Variants in ARHGEF3 observed in about 807,000 individuals in gnomAD.
ARHGEF3 encodes the protein Rho guanine nucleotide exchange factor 3, also known as 59.8 kDA protein.
A neutral mutation model predicts 63.2 loss-of-function variants in ARHGEF3; 28 were observed. The ratio of observed to expected loss-of-function variants is 0.44; its 90% CI spans 0.33 to 0.61. The LOEUF (loss-of-function observed/expected upper bound fraction) is 0.61. Among genes scored for constraint, ARHGEF3 ranks in the 20% least tolerant of loss-of-function variants. The pLI is 0.03. For synonymous variants in ARHGEF3, 266 were observed against 254.2 expected (o/e 1.05, Z -0.44); for missense variants, 533 against 659.3 (o/e 0.81, Z 2.10).
Position 56,924,188 on chromosome 3 carries a change from AC to A in ARHGEF3, c.129+34634del, listed in dbSNP as rs1280854812. 6.6e-5 allele frequency among the ~76,000 whole-genome samples: 10 copies of A among 152,338 alleles called. No homozygotes were observed. The East Asian group carries it at 1.7e-3, about 26-fold the overall frequency. On this transcript the variant is annotated intron_variant, in intron 3 of 12. Coordinates refer to the ARHGEF3 transcript ENST00000338458. ...ACAGGGGAGAAACATGCTACCCCAC[AC>A]CTGCACAAACTAAATGATGTGTAAA...
chr3:56,854,751 G>T (rs1452397965), intron 4 of ARHGEF3, among the ~76,000 whole-genome samples: 1 of 135,998 alleles, frequency 7.4e-6, no homozygotes, highest in East Asian at 2.6e-4. Context: ...CTATTTGGGG[G>T]GATGCAAATA....
At position 56,769,385 on chromosome 3, in the gene ARHGEF3, G is replaced by T. The variant is rs1013737392; in HGVS notation, c.204+4324C>A. ...GGCAGGCCAGGGAGGGAATTTATAG[G>T]CTCAGAGGGATCCAGACATCTGTGC... On this transcript the variant is annotated intron_variant, in intron 2 of 9. Transcript: ENST00000296315. Among the ~76,000 whole-genome samples, 10 of 152,342 alleles carry T rather than the reference G, an allele frequency of 6.6e-5. No homozygotes were observed. In the South Asian group the frequency reaches 1.0e-3, roughly 16 times the overall value.
At chr3:56,918,332 C>G (rs771956496) in intron 3 of ARHGEF3, among the ~76,000 whole-genome samples, 1 of 152,166 alleles carries the variant, frequency 6.6e-6, no homozygotes, top group East Asian at 1.9e-4. Flanking sequence ...AAATGTGAGA[C>G]GACCAGGGCA....
chr3:56,949,121 A>T (rs1191440003), intron 3 of ARHGEF3, among the ~76,000 whole-genome samples: 4 of 151,976 alleles, frequency 2.6e-5, no homozygotes, highest in Admixed American at 6.6e-5. Flanking sequence ...TATTGATGGG[A>T]TGTATCTCAA....
intron 4 of ARHGEF3, among the ~76,000 whole-genome samples, chr3:56,821,979 AGAAGAGAAGAGAAG>A (rs2038516000): frequency 1.0e-5 from 1 of 99,660 alleles, no homozygotes; most frequent in Admixed American, 9.2e-5. Flanking sequence ...AGAAGAGAAG[AGAAGAGAAGAGAAG>A]AGAAGAGAAG....
At chr3:56,761,311 G>C (rs1174336090) in intron 2 of ARHGEF3, among the ~76,000 whole-genome samples, 1 of 151,944 alleles carries the variant, frequency 6.6e-6, no homozygotes, top group East Asian at 1.9e-4. Context: ...GAGAGAACTA[G>C]AGTTGAGGGA....
chr3:56,895,469 TTTA>T lies in ARHGEF3; in HGVS notation c.130-13118_130-13116del, dbSNP rs199745218. Among the ~76,000 whole-genome samples the T allele has an allele frequency of 5.0e-3, 283 of 56,354 alleles. 1 individual carries two copies. The highest frequency in any genetic ancestry group is 0.022 in the African/African-American group (268 of 11,948). The allele number at this position is 56,354 out of a possible 152,430, so 37.0% of individuals were successfully genotyped here. ...TCCATTGTTCTTATTTATTTATTTA[TTTA>T]TTTTTTTTTGAGATGGAGTCTTGTT... On this transcript the variant is annotated intron_variant, in intron 3 of 12. Coordinates refer to the ARHGEF3 transcript ENST00000338458.
intron 3 of ARHGEF3, among the ~76,000 whole-genome samples, chr3:56,885,786 C>T (rs541111403): frequency 1.3e-5 from 2 of 152,324 alleles, no homozygotes; most frequent in East Asian, 1.9e-4. Context: ...AAGGAACCCA[C>T]ATGTTTTATA....
rs34479082 is a variant in ARHGEF3 at position 56,984,573 on chromosome 3, T to TAA, written c.63-25686_63-25685dup. Among the ~76,000 whole-genome samples the TAA allele has an allele frequency of 1.5e-3, 228 of 151,512 alleles. 1 individual carries two copies. The highest frequency in any genetic ancestry group is 6.8e-3 in the Middle Eastern group (2 of 294). On this transcript the variant is annotated intron_variant, in intron 2 of 12. Coordinates refer to the ARHGEF3 transcript ENST00000338458. The stretch of plus-strand genomic sequence containing the variant: ...AGTTACATAAATAAACTCACAGGTT[T>TAA]AAAAAAAAAGATAAGGAAAACACTA...
intron 4 of ARHGEF3, among the ~76,000 whole-genome samples, chr3:56,842,269 T>C (rs796774502): frequency 3.5e-4 from 53 of 152,340 alleles, no homozygotes; most frequent in African/African-American, 1.3e-3. Flanking sequence ...TTAACAGTTA[T>C]ATATGTCTTT....
intron 1 of ARHGEF3, among the ~76,000 whole-genome samples, chr3:57,058,759 T>G (rs991691599): frequency 9.2e-5 from 14 of 151,814 alleles, no homozygotes; most frequent in Non-Finnish European, 1.9e-4. Flanking sequence ...CCAACAATGA[T>G]AGACTGGATT....
chr3:57,040,674 C>T (rs192569888), intron 1 of ARHGEF3, among the ~76,000 whole-genome samples: 2 of 151,872 alleles, frequency 1.3e-5, no homozygotes, highest in South Asian at 2.1e-4. Context: ...CAGTTATGAC[C>T]GGTGCCCTTC....
At chr3:56,867,483 A>AT (rs869028837) in intron 4 of ARHGEF3, among the ~76,000 whole-genome samples, 10 of 127,494 alleles carry the variant, frequency 7.8e-5, no homozygotes, top group South Asian at 2.7e-4. Flanking sequence ...TTATTTATTT[A>AT]TTTTTTTGAG....
chr3:57,030,110 A>G (rs1579125978), intron 2 of ARHGEF3, among the ~76,000 whole-genome samples: 1 of 152,210 alleles, frequency 6.6e-6, no homozygotes, highest in Admixed American at 6.5e-5. Context: ...TGCAGCATGA[A>G]AACTGCCTGC....
rs942812613 is a variant in ARHGEF3, at chr3:57,013,983, A to C, written c.62+21105T>G. Among the ~76,000 whole-genome samples the C allele has an allele frequency of 5.3e-4, 80 of 152,166 alleles. 1 individual carries two copies. The highest frequency in any genetic ancestry group is 1.6e-4 in the Non-Finnish European group (11 of 68,036). Reference sequence around the variant, plus strand: ...TTTGTTCCTCTGCTCTTTGCAATAAATCTTGCTGCTGCTCACTCTTTGGAT... The same window carrying C: ...TTTGTTCCTCTGCTCTTTGCAATAACTCTTGCTGCTGCTCACTCTTTGGAT... On this transcript the variant is annotated intron_variant, in intron 2 of 12. Coordinates refer to the ARHGEF3 transcript ENST00000338458.
rs1188903893 is a variant in ARHGEF3, at chr3:56,733,395, G to A, written c.1042-971C>T. ...GGAGGCTGAGGCAGGAGAATCATTC[G>A]AACCCAGGAGGCAGAGGTTGCAGTG... On this transcript the variant is annotated intron_variant, in intron 8 of 9. Coordinates refer to ENST00000296315, the MANE Select transcript of ARHGEF3 (RefSeq NM_019555.3). 5.3e-5 allele frequency among the ~76,000 whole-genome samples: 6 copies of A among 113,968 alleles called. No homozygotes were observed. In the Admixed American group the frequency reaches 6.3e-4, roughly 12 times the overall value. 74.8% of individuals were successfully genotyped at this position (113,968 alleles called of 152,430 possible).
At chr3:57,008,265 C>G (rs753730056) in intron 2 of ARHGEF3, among the ~76,000 whole-genome samples, 5 of 152,164 alleles carry the variant, frequency 3.3e-5, no homozygotes, top group African/African-American at 4.8e-5. Context: ...AACGTGTGAG[C>G]CTTTTTGGCT....
intron 7 of ARHGEF3, among the ~76,000 whole-genome samples, chr3:56,741,603 A>G (rs1368512958): frequency 7.3e-6 from 1 of 137,620 alleles, no homozygotes; most frequent in Admixed American, 8.7e-5. Context: ...TCCCAGGTTC[A>G]CACCATTCTC....
chr3:56,827,979 T>G (rs2038794134), intron 4 of ARHGEF3, among the ~76,000 whole-genome samples: 1 of 128,340 alleles, frequency 7.8e-6, no homozygotes, highest in Non-Finnish European at 1.6e-5. Context: ...AGGCATACCT[T>G]AACCTCAAGA....
Sources: gnomAD v4.1 joint callset for allele counts (sites outside exome capture counted in the v4.1 genomes callset) on GRCh38, gnomAD v4.1.1 for gene constraint, MANE v1.5 for transcripts, NCBI Gene and HGNC (gene_info 2026-07-23, HGNC 2026-07-21) for gene names.